TTPA: variants seen among roughly 807,000 people sequenced by gnomAD.
TTPA encodes alpha-tocopherol transfer protein.
Under a neutral mutation model 25.9 loss-of-function variants are expected in TTPA, and 23 were observed. That is an observed-to-expected ratio of 0.89 (90% CI 0.64 to 1.26). The LOEUF (loss-of-function observed/expected upper bound fraction) is 1.26, where lower values mean the gene tolerates loss of function less well. TTPA is among the 50% of genes most tolerant of loss of function. The pLI is 0.00. For missense variants in TTPA, 337 were observed against 353.1 expected, an observed-to-expected ratio of 0.95 and a Z score of 0.37; for synonymous variants, 148 against 137.3, an observed-to-expected ratio of 1.08 and a Z score of -0.54.
At chr8:63,079,445 A>G (rs1022097164) in intron 1 of TTPA, among the ~76,000 whole-genome samples, 1 of 152,176 alleles carries the variant, frequency 6.6e-6, no homozygotes, top group African/African-American at 2.4e-5. Context: ...ACATGCAGAG[A>G]CACATATAGG....
At chr8:63,078,106 A>G (rs148214560) in intron 1 of TTPA, among the ~76,000 whole-genome samples, 1,622 of 151,622 alleles carry the variant, frequency 0.011, 33 homozygotes, top group African/African-American at 0.038. Context: ...GACTGTTAGA[A>G]GGAAAACTAA....
chr8:63,075,424 A>G (rs183128907), intron 1 of TTPA, among the ~76,000 whole-genome samples: 72 of 152,278 alleles, frequency 4.7e-4, no homozygotes, highest in Non-Finnish European at 7.5e-4. Flanking sequence ...TAAGAATAAG[A>G]AAAGTAAAGC....
At chr8:63,059,027 T>TTG (rs1805248896), downstream of TTPA, among the ~76,000 whole-genome samples, 1 of 99,998 alleles carries the variant, frequency 1.0e-5, no homozygotes, top group East Asian at 6.7e-4. Context: ...CCAGTTTTTT[T>TTG]TTTTTTTTTT....
chr8:63,082,472 A>G (rs1805679174), intron 1 of TTPA, among the ~76,000 whole-genome samples: 2 of 152,326 alleles, frequency 1.3e-5, no homozygotes, highest in Admixed American at 6.5e-5. Context: ...CCTTCCTTAC[A>G]TCTTATACAA....
chr8:63,067,003 C>T (rs543320404), intron 2 of TTPA, among the ~76,000 whole-genome samples: 4 of 151,792 alleles, frequency 2.6e-5, no homozygotes, highest in African/African-American at 7.2e-5. Flanking sequence ...AACACTGAAG[C>T]CCAGGAGTTC....
At chr8:63,072,820 A>G (rs987936542) in intron 2 of TTPA, 115 bp downstream of exon 2, 1 of 1,267,372 alleles carries the variant, frequency 7.9e-7, no homozygotes, top group African/African-American at 1.5e-5. Context: ...GAATGCATTG[A>G]AGCTTTCTAT....
At chr8:63,062,007 A>AGGCTGGT (rs1805314324) in intron 4 of TTPA, among the ~76,000 whole-genome samples, 2 of 152,108 alleles carry the variant, frequency 1.3e-5, no homozygotes, top group Admixed American at 1.3e-4. Flanking sequence ...GTTCAACACC[A>AGGCTGGT]GCCTGGGCAA....
At chr8:63,080,747 A>G (rs1035265549) in intron 1 of TTPA, among the ~76,000 whole-genome samples, 3 of 149,932 alleles carry the variant, frequency 2.0e-5, no homozygotes, top group African/African-American at 7.3e-5. Flanking sequence ...AAATAATAAT[A>G]ATAATAAAGA....
intron 2 of TTPA, among the ~76,000 whole-genome samples, chr8:63,067,176 A>G (rs189846840): frequency 6.6e-6 from 1 of 152,328 alleles, no homozygotes; most frequent in African/African-American, 2.4e-5. Context: ...ATTAGAAATA[A>G]AAAGATAAGT....
chr8:63,061,935 G>C (rs1048906345), intron 4 of TTPA, among the ~76,000 whole-genome samples: 1 of 152,282 alleles, frequency 6.6e-6, no homozygotes, highest in African/African-American at 2.4e-5. Flanking sequence ...GGGTGCAGTG[G>C]CTCATGCCTG....
At chr8:63,075,010 C>A (rs1000882314) in intron 1 of TTPA, among the ~76,000 whole-genome samples, 1 of 152,220 alleles carries the variant, frequency 6.6e-6, no homozygotes, top group Non-Finnish European at 1.5e-5. Context: ...CTATCTCGCA[C>A]AATTTTTGCA....
downstream of TTPA, among the ~76,000 whole-genome samples, chr8:63,058,936 A>T (rs1805246456): frequency 7.2e-6 from 1 of 139,046 alleles, no homozygotes; most frequent in Non-Finnish European, 1.6e-5. Context: ...TTGTTCTTTT[A>T]TTATTTTTAA....
chr8:63,059,265 C>G (rs1347187185), downstream of TTPA, among the ~76,000 whole-genome samples: 1 of 151,280 alleles, frequency 6.6e-6, no homozygotes, highest in African/African-American at 2.4e-5. Flanking sequence ...ATCTCCTGAC[C>G]TCGTGATCCG....
At chr8:63,073,664 A>T (rs35331190) in intron 1 of TTPA, among the ~76,000 whole-genome samples, 23,767 of 152,172 alleles carry the variant, frequency 0.16, 2,163 homozygotes, top group Non-Finnish European at 0.2. Flanking sequence ...AACCACTCCC[A>T]CTGAGCCCTG....
chr8:63,066,739 C>T lies in TTPA; in HGVS notation c.359-642G>A, dbSNP rs79505971. Among the ~76,000 whole-genome samples, 55 of 152,234 alleles carry T rather than the reference C, an allele frequency of 3.6e-4. No individual in the cohort carries two copies. The East Asian group carries it at 8.5e-3, about 23-fold the overall frequency. On this transcript the variant is annotated intron_variant, in intron 2 of 4. Transcript: ENST00000260116. ...TCCCACCACCCCAGGACAGGCCACG[C>T]CATGCAGAAATGACAGTAATGGATG...
In TTPA at chr8:63,059,689, G is replaced by A. The variant is rs1421017281; in HGVS notation, c.*1563C>T. 2 of 152,106 alleles carry A rather than the reference G, an allele frequency of 1.3e-5. No individual in the cohort carries two copies. Among genetic ancestry groups the A allele is most frequent in the African/African-American group, 2.4e-5 (1 of 41,414 alleles). The allele number at this position is 152,106 out of a possible 1,614,324, so 9.4% of individuals were successfully genotyped here. A position where few individuals can be genotyped will look rare whatever the true frequency, so the allele number is the denominator to read the frequency against. On this transcript the variant is annotated 3_prime_UTR_variant, in exon 5 of 5. Transcript: ENST00000260116. ...TATGTCATAAATTGAGGGCTATGTT[G>A]AATTTGAAAGCTGAGATGATATCTT...
chr8:63,065,998 C>T lies in TTPA; in HGVS notation c.458G>A (p.Gly153Glu), dbSNP rs375011573. The T allele has an allele frequency of 1.9e-6, 3 of 1,614,056 alleles. No individual in the cohort carries two copies. Among genetic ancestry groups the T allele is most frequent in the Non-Finnish European group, 2.5e-6 (3 of 1,179,986 alleles). Reference protein sequence around the residue: ...IVQEVETQRNGIKAIFDLEGW... With the variant: ...IVQEVETQRNEIKAIFDLEGW... The stretch of plus-strand genomic sequence containing the variant: ...TTCCAGATCAAAGATAGCCTTGATT[C>T]CATTCCGCTGAGTTTCTACCTCCTG... The change falls in exon 3 of 5, where the codon GGA becomes GAA. Residue 153 changes from glycine (G) to glutamate (E), a missense_variant. Gly to Glu is a moderately conservative substitution (Grantham distance 98). Transcript: ENST00000260116.
At chr8:63,084,607 C>T (rs981402418) in intron 1 of TTPA, among the ~76,000 whole-genome samples, 1 of 152,172 alleles carries the variant, frequency 6.6e-6, no homozygotes, top group African/African-American at 2.4e-5. Flanking sequence ...AAATAGAAAT[C>T]ACACACAAAC....
chr8:63,061,091 T>C lies in TTPA; in HGVS notation c.*161A>G, dbSNP rs183885151. On this transcript the variant is annotated 3_prime_UTR_variant, in exon 5 of 5. Coordinates refer to ENST00000260116, the MANE Select transcript of TTPA (RefSeq NM_000370.3). ...AAAAGCATTTAAAAAGTAAAAAATC[T>C]TTCCAAACACCTGTGTTGCTCATGT... 391 of 713,290 alleles carry C rather than the reference T, an allele frequency of 5.5e-4. 1 individual carries two copies. The highest frequency in any genetic ancestry group is 3.1e-3 in the East Asian group (110 of 35,796). 44.2% of individuals were successfully genotyped at this position (713,290 alleles called of 1,614,324 possible).
Sources: allele counts gnomAD v4.1 joint callset (sites outside exome capture counted in the v4.1 genomes callset), GRCh38; gene constraint gnomAD v4.1.1; transcripts MANE v1.5; gene names NCBI Gene and HGNC (gene_info 2026-07-23, HGNC 2026-07-21).